EDDM13: variants seen among roughly 807,000 people sequenced by gnomAD.
EDDM13 encodes epididymal protein 13.
EDDM13 carries 24 observed loss-of-function variants against 17.8 expected under a neutral mutation model. That is an observed-to-expected ratio of 1.35 (90% CI 0.98 to 1.90). EDDM13 has a LOEUF of 1.90. Ranked by LOEUF, EDDM13 falls within the 40% of genes most tolerant of loss-of-function variation. The pLI, the probability that EDDM13 is intolerant of heterozygous loss-of-function variation, is 0.00. For missense variants in EDDM13, 97 were observed against 100.8 expected, an observed-to-expected ratio of 0.96 and a Z score of 0.16; for synonymous variants, 31 against 37.5, an observed-to-expected ratio of 0.83 and a Z score of 0.63.
At chr19:56,295,729 CCT>C (rs1300873281) in intron 9 of EDDM13, 1 of 152,488 alleles carries the variant, frequency 6.6e-6, no homozygotes, top group Non-Finnish European at 1.5e-5. Context: ...CACGAAGCAG[CCT>C]CTGACTGTTC....
At chr19:56,300,253 T>G (rs1369385567) in intron 12 of EDDM13, among the ~76,000 whole-genome samples, 1 of 152,110 alleles carries the variant, frequency 6.6e-6, no homozygotes, top group Non-Finnish European at 1.5e-5. Flanking sequence ...CCCTTTTATA[T>G]AGCCAAGCAG....
intron 1 of EDDM13, chr19:56,274,504 A>T (rs2038105210): frequency 6.6e-6 from 1 of 152,024 alleles, no homozygotes. Context: ...CACGTTTTTT[A>T]AAAAATTTAT....
chr19:56,292,461 T>A (rs1033355805), intron 9 of EDDM13, among the ~76,000 whole-genome samples: 1 of 151,546 alleles, frequency 6.6e-6, no homozygotes, highest in Non-Finnish European at 1.5e-5. Context: ...GTTTTTACTT[T>A]TTTTTTTTTT....
intron 2 of EDDM13, among the ~76,000 whole-genome samples, chr19:56,278,866 G>A (rs556198067): frequency 1.8e-4 from 28 of 152,280 alleles, no homozygotes; most frequent in Non-Finnish European, 3.2e-4. Context: ...AGCTGCAGAA[G>A]GGAGAGCAAG....
rs1305144757 is a variant in EDDM13 at position 56,272,834 on chromosome 19, C to G, written c.-1C>G. 2.0e-6 allele frequency: 2 copies of G among 984,356 alleles called. No homozygotes were observed. The highest frequency in any genetic ancestry group is 6.1e-5 in the Admixed American group (1 of 16,262). The allele number at this position is 984,356 out of a possible 1,614,324, so 61.0% of individuals were successfully genotyped here. A position where few individuals can be genotyped will look rare whatever the true frequency, so the allele number is the denominator to read the frequency against. ...CATTCAGCCCAAATCCCAGCCCCAT[C>G]ATGCACAGATCAGAGCCATTTCTGA... is the stretch of plus-strand genomic sequence containing the variant. On this transcript the variant is annotated 5_prime_UTR_variant, in exon 1 of 15. In the 5' UTR this introduces an upstream ATG that the reference lacks. Transcript: ENST00000649256.
chr19:56,294,263 G>C (rs2039713478), intron 9 of EDDM13, among the ~76,000 whole-genome samples: 2 of 152,132 alleles, frequency 1.3e-5, no homozygotes, highest in Admixed American at 1.3e-4. Flanking sequence ...GATTCACGTG[G>C]GCTCTTTCTC....
At chr19:56,276,955 C>G (rs115814137) in intron 2 of EDDM13, among the ~76,000 whole-genome samples, 1,598 of 152,012 alleles carry the variant, frequency 0.011, 26 homozygotes, top group African/African-American at 0.037. Context: ...TTTACAAAAA[C>G]TATTTCTATT....
At chr19:56,284,263 T>G in intron 5 of EDDM13, 57 bp downstream of exon 5, 1 of 811,706 alleles carries the variant, frequency 1.2e-6, no homozygotes, top group Non-Finnish European at 1.5e-6. Flanking sequence ...CGGGAAATTT[T>G]GGGCTTTGCT....
At chr19:56,304,967 G>A (rs1346199025) in intron 14 of EDDM13, 137 bp downstream of exon 14, 5 of 197,116 alleles carry the variant, frequency 2.5e-5, no homozygotes, top group Non-Finnish European at 4.6e-5. Context: ...AGAATTCCAT[G>A]AGAAGTCCCA....
intron 14 of EDDM13, among the ~76,000 whole-genome samples, chr19:56,309,686 G>A (rs1040644284): frequency 1.3e-5 from 2 of 152,170 alleles, no homozygotes; most frequent in African/African-American, 2.4e-5. Context: ...ACCAGGCTAG[G>A]GGGTGCAGCC....
At chr19:56,275,806 C>G (rs2038203325) in intron 1 of EDDM13, among the ~76,000 whole-genome samples, 1 of 152,218 alleles carries the variant, frequency 6.6e-6, no homozygotes, top group African/African-American at 2.4e-5. Flanking sequence ...GGGGCTGAAT[C>G]TGATTTATCT....
intron 9 of EDDM13, among the ~76,000 whole-genome samples, chr19:56,294,565 A>T (rs1331200316): frequency 2.0e-5 from 3 of 152,146 alleles, no homozygotes; most frequent in Non-Finnish European, 4.4e-5. Context: ...CTCTGCTGCC[A>T]CTCACTACTC....
rs1262903816 is a variant in EDDM13, at chr19:56,272,818, C to T, written c.-17C>T. On this transcript the variant is annotated 5_prime_UTR_variant, in exon 1 of 15. Coordinates refer to ENST00000649256, the MANE Select transcript of EDDM13 (RefSeq NM_001354658.2). ...TATCCTAGGAGGAGAACATTCAGCC[C>T]AAATCCCAGCCCCATCATGCACAGA... The T allele has an allele frequency of 1.0e-6, 1 of 976,086 alleles. No individual in the cohort carries two copies. Among genetic ancestry groups the T allele is most frequent in the Non-Finnish European group, 1.2e-6 (1 of 821,602 alleles). The allele number at this position is 976,086 out of a possible 1,614,324, so 60.5% of individuals were successfully genotyped here. A position where few individuals can be genotyped will look rare whatever the true frequency, so the allele number is the denominator to read the frequency against.
intron 9 of EDDM13, among the ~76,000 whole-genome samples, chr19:56,291,476 A>C (rs2039505776): frequency 6.6e-6 from 1 of 152,144 alleles, no homozygotes. Flanking sequence ...TTTTTTGGGA[A>C]GATCTGTTTT....
chr19:56,287,786 A>G (rs940614205), intron 6 of EDDM13, among the ~76,000 whole-genome samples: 12 of 152,198 alleles, frequency 7.9e-5, no homozygotes, highest in African/African-American at 2.9e-4. Context: ...GGTGGCCACT[A>G]ACAGTAGATT....
intron 14 of EDDM13, among the ~76,000 whole-genome samples, chr19:56,306,030 A>C (rs1340113638): frequency 6.6e-6 from 1 of 152,136 alleles, no homozygotes; most frequent in Non-Finnish European, 1.5e-5. Flanking sequence ...CATGCTCAGC[A>C]GACCACCTCA....
intron 12 of EDDM13, among the ~76,000 whole-genome samples, chr19:56,301,648 C>G (rs2040239567): frequency 6.6e-6 from 1 of 152,102 alleles, no homozygotes; most frequent in African/African-American, 2.4e-5. Context: ...TTTACCCAGC[C>G]CCTATTCAAG....
At position 56,303,323 on chromosome 19, in the gene EDDM13, C is replaced by CA. The variant is rs781060872; in HGVS notation, c.423+1234dup. On this transcript the variant is annotated intron_variant, in intron 13 of 14. Coordinates refer to ENST00000649256, the MANE Select transcript of EDDM13 (RefSeq NM_001354658.2). ...TGAAACCCCGTCTCTACTAAAAATACAAAAAATAGCCGGGCATGGTGGCGC... is the reference window on the plus strand; with the variant it reads ...TGAAACCCCGTCTCTACTAAAAATACAAAAAAATAGCCGGGCATGGTGGCGC... Among the ~76,000 whole-genome samples the CA allele has an allele frequency of 7.4e-4, 112 of 151,728 alleles. 1 individual carries two copies. Among genetic ancestry groups the CA allele is most frequent in the Non-Finnish European group, 1.3e-3 (90 of 67,930 alleles).
chr19:56,278,413 C>T (rs997616102), intron 2 of EDDM13, among the ~76,000 whole-genome samples: 11 of 152,092 alleles, frequency 7.2e-5, no homozygotes, highest in African/African-American at 1.7e-4. Flanking sequence ...GGATTACAGG[C>T]GTGAGCCGCC....
Sources: allele counts gnomAD v4.1 joint callset (sites outside exome capture counted in the v4.1 genomes callset), GRCh38; gene constraint gnomAD v4.1.1; transcripts MANE v1.5; gene names NCBI Gene and HGNC (gene_info 2026-07-23, HGNC 2026-07-21).